The following MNAT1 variants were observed in gnomAD, a reference collection of about 807,000 sequenced individuals.
The protein encoded by MNAT1 is MNAT1 component of CDK activating kinase, also known as CDK-activating kinase assembly factor MAT1.
Under a neutral mutation model 42.0 loss-of-function variants are expected in MNAT1, and 43 were observed. That is an observed-to-expected ratio of 1.02 (90% confidence interval 0.80 to 1.32). The LOEUF is 1.32. Among genes scored for constraint, MNAT1 ranks in the 40% most tolerant of loss-of-function variants. The pLI is 0.00. For missense variants in MNAT1, 306 were observed against 350.4 expected (o/e 0.87, Z 1.01); for synonymous variants, 118 against 120.0 (o/e 0.98, Z 0.11).
At chr14:60,871,936 T>C (rs1334552954) in intron 6 of MNAT1, among the ~76,000 whole-genome samples, 2 of 152,176 alleles carry the variant, frequency 1.3e-5, no homozygotes, top group African/African-American at 2.4e-5. Context: ...AAGAATTCTT[T>C]ATAGGTAGTA....
At chr14:60,768,424 T>G (rs2030922118) in intron 1 of MNAT1, among the ~76,000 whole-genome samples, 1 of 152,188 alleles carries the variant, frequency 6.6e-6, no homozygotes, top group East Asian at 1.9e-4. Context: ...TGTTTTGGTT[T>G]TAAATGATAT....
intron 3 of MNAT1, among the ~76,000 whole-genome samples, chr14:60,806,568 G>A (rs1438140432): frequency 6.6e-6 from 1 of 152,230 alleles, no homozygotes; most frequent in Admixed American, 6.5e-5. Flanking sequence ...GGTGGCTCAC[G>A]CCAGTAATCC....
rs564780236 is a variant in MNAT1, at chr14:60,954,849, C to T, written c.810-13380C>T. 9.2e-5 allele frequency among the ~76,000 whole-genome samples: 14 copies of T among 151,942 alleles called. No individual in the cohort carries two copies. In the South Asian group the frequency reaches 2.1e-3, roughly 23 times the overall value. On this transcript the variant is annotated intron_variant, in intron 7 of 7. Transcript: ENST00000261245. ...AACAGTTTAGTGTGATGTTAGCTAT[C>T]GTATTTTATATATATATGGCCTTTA...
rs1338310519 is a variant in MNAT1, at chr14:60,968,478, TA to T, written c.*131del. The T allele has an allele frequency of 8.6e-6, 13 of 1,511,010 alleles. No individual in the cohort carries two copies. The Admixed American group carries it at 2.8e-4, about 33-fold the overall frequency. The allele number at this position is 1,511,010 out of a possible 1,614,324, so 93.6% of individuals were successfully genotyped here. On this transcript the variant is annotated 3_prime_UTR_variant, in exon 8 of 8. Transcript: ENST00000261245. Reference sequence around the variant, plus strand: ...ACTAGCAGCTGTGTTAAAGTATTTATAAGGAGAAAATTTCAGAACTAAGTTG... The same window carrying T: ...ACTAGCAGCTGTGTTAAAGTATTTATAGGAGAAAATTTCAGAACTAAGTTG...
chr14:60,830,583 T>G (rs1197826504), intron 6 of MNAT1, among the ~76,000 whole-genome samples: 4 of 152,172 alleles, frequency 2.6e-5, no homozygotes, highest in Admixed American at 6.5e-5. Context: ...CTGCGATGAT[T>G]TTTAATGTAA....
chr14:60,787,336 T>C (rs1034064386), intron 1 of MNAT1, among the ~76,000 whole-genome samples: 3 of 152,178 alleles, frequency 2.0e-5, no homozygotes, highest in African/African-American at 7.2e-5. Context: ...TAAAAAACAG[T>C]GTGCATACCT....
At chr14:60,824,911 A>G (rs2033008129) in intron 6 of MNAT1, among the ~76,000 whole-genome samples, 1 of 152,190 alleles carries the variant, frequency 6.6e-6, no homozygotes, top group Non-Finnish European at 1.5e-5. Context: ...CTTAAGTTAT[A>G]TTACTCTCAA....
intron 6 of MNAT1, among the ~76,000 whole-genome samples, chr14:60,828,534 T>G (rs757425046): frequency 1.3e-5 from 2 of 148,598 alleles, no homozygotes; most frequent in Non-Finnish European, 3.0e-5. Context: ...CAAAATGTGT[T>G]TTTTTTTTTT....
At chr14:60,807,195 A>C (rs1006705667) in intron 3 of MNAT1, among the ~76,000 whole-genome samples, 2 of 152,244 alleles carry the variant, frequency 1.3e-5, no homozygotes, top group African/African-American at 2.4e-5. Flanking sequence ...CCTTTTGAGA[A>C]GAAAAAAATG....
chr14:60,870,572 ATTC>A lies in MNAT1; in HGVS notation c.688-9139_688-9137del, dbSNP rs1471093093. Among the ~76,000 whole-genome samples, 3 of 152,000 alleles carry A rather than the reference ATTC, an allele frequency of 2.0e-5. No individual in the cohort carries two copies. In the East Asian group the frequency reaches 5.8e-4, roughly 29 times the overall value. On this transcript the variant is annotated intron_variant, in intron 6 of 7. Transcript: ENST00000261245. Reference sequence around the variant, plus strand: ...ATATATTCCCCCACACCCATTTCTTATTCTTGTGACCTTGCCTGTCATTTTGAT... The same window carrying A: ...ATATATTCCCCCACACCCATTTCTTATTGTGACCTTGCCTGTCATTTTGAT...
At chr14:60,739,072 T>C (rs917403703) in intron 1 of MNAT1, among the ~76,000 whole-genome samples, 5 of 152,106 alleles carry the variant, frequency 3.3e-5, no homozygotes, top group African/African-American at 4.8e-5. Context: ...CTCATGTGGC[T>C]CTTGTCAGGA....
At chr14:60,908,095 G>A (rs1004273970) in intron 7 of MNAT1, among the ~76,000 whole-genome samples, 18 of 152,020 alleles carry the variant, frequency 1.2e-4, no homozygotes, top group South Asian at 8.3e-4. Flanking sequence ...TGACAAATCT[G>A]CAGAAGTCAA....
intron 6 of MNAT1, among the ~76,000 whole-genome samples, chr14:60,862,638 G>C (rs1473223663): frequency 6.6e-6 from 1 of 152,136 alleles, no homozygotes; most frequent in African/African-American, 2.4e-5. Context: ...AAACATGGTA[G>C]ATCATAGAGT....
At chr14:60,825,704 C>T (rs939520840) in intron 6 of MNAT1, among the ~76,000 whole-genome samples, 2 of 152,180 alleles carry the variant, frequency 1.3e-5, no homozygotes, top group Non-Finnish European at 2.9e-5. Flanking sequence ...CTTTCTATTA[C>T]ATCTCATTTA....
At chr14:60,778,165 G>T (rs1007745290) in intron 1 of MNAT1, among the ~76,000 whole-genome samples, 1 of 152,076 alleles carries the variant, frequency 6.6e-6, no homozygotes, top group Non-Finnish European at 1.5e-5. Flanking sequence ...AAGAATTATT[G>T]GTCAGAGTGA....
chr14:60,946,589 TG>T (rs372191660), intron 7 of MNAT1, among the ~76,000 whole-genome samples: 3 of 152,270 alleles, frequency 2.0e-5, no homozygotes, highest in African/African-American at 7.2e-5. Context: ...CTTCTTCCTC[TG>T]CTAAAGTTAT....
At chr14:60,851,113 G>A (rs4151256) in intron 6 of MNAT1, among the ~76,000 whole-genome samples, 83 of 152,212 alleles carry the variant, frequency 5.5e-4, no homozygotes, top group East Asian at 5.0e-3. Flanking sequence ...TACATGAAAA[G>A]ACAAACATTG....
intron 1 of MNAT1, among the ~76,000 whole-genome samples, chr14:60,752,059 G>A (rs2030117121): frequency 6.6e-6 from 1 of 152,058 alleles, no homozygotes; most frequent in Non-Finnish European, 1.5e-5. Flanking sequence ...TTTATAAATA[G>A]TTCTACTGTG....
intron 1 of MNAT1, among the ~76,000 whole-genome samples, chr14:60,743,827 A>G (rs1339737476): frequency 2.6e-5 from 4 of 152,072 alleles, no homozygotes; most frequent in African/African-American, 4.8e-5. Context: ...TATATTTTCT[A>G]TTGATCTATC....
Sources: allele counts gnomAD v4.1 joint callset (sites outside exome capture counted in the v4.1 genomes callset), GRCh38; gene constraint gnomAD v4.1.1; transcripts MANE v1.5; gene names NCBI Gene and HGNC (gene_info 2026-07-23, HGNC 2026-07-21).